GATA4: variants seen among roughly 807,000 people sequenced by gnomAD.
GATA4 encodes the protein GATA binding protein 4.
A neutral mutation model predicts 37.9 loss-of-function variants in GATA4; 7 were observed. That is an observed-to-expected ratio of 0.18 (90% CI 0.11 to 0.35). The LOEUF is 0.35. GATA4 is among the 10% of genes least tolerant of loss of function. GATA4 has a pLI of 1.00. For synonymous variants in GATA4, 372 were observed against 292.6 expected (o/e 1.27, Z -2.77); for missense variants, 647 against 653.0 (o/e 0.99, Z 0.10).
chr8:11,735,926 T>C (rs1009644952), intron 2 of GATA4, among the ~76,000 whole-genome samples: 11 of 152,140 alleles, frequency 7.2e-5, no homozygotes, highest in Non-Finnish European at 2.9e-5. Context: ...AAAATTTTTT[T>C]TTGAGATAGG....
In GATA4 at chr8:11,709,578, G is replaced by GGA. The variant is rs1554488901; in HGVS notation, c.616+651_616+652insAG. Among the ~76,000 whole-genome samples the GGA allele has an allele frequency of 2.6e-5, 3 of 115,392 alleles. No individual in the cohort carries two copies. The highest frequency in any genetic ancestry group is 3.1e-4 in the South Asian group (1 of 3,230). 75.7% of individuals were successfully genotyped at this position (115,392 alleles called of 152,430 possible). A position where few individuals can be genotyped will look rare whatever the true frequency, so the allele number is the denominator to read the frequency against. Reference sequence around the variant, plus strand: ...CGTGGGCGCATCATGCGGGCAGCGGGGGGGGGGGCGCACACGCCCGGTCAG... The same window carrying GGA: ...CGTGGGCGCATCATGCGGGCAGCGGGGAGGGGGGGGCGCACACGCCCGGTCAG... On this transcript the variant is annotated intron_variant, in intron 2 of 6. Transcript: ENST00000532059. The surrounding 1 kb of genome is among the most constrained non-coding windows in gnomAD (Gnocchi z 4.3).
At chr8:11,712,791 G>A (rs552413471) in intron 2 of GATA4, among the ~76,000 whole-genome samples, 2 of 152,174 alleles carry the variant, frequency 1.3e-5, no homozygotes, top group East Asian at 3.9e-4. Context: ...AGTCAGGGAG[G>A]TTGAGGCTGC....
intron 1 of GATA4, among the ~76,000 whole-genome samples, chr8:11,678,839 C>G (rs1798862277): frequency 6.6e-6 from 1 of 151,980 alleles, no homozygotes; most frequent in Non-Finnish European, 1.5e-5. Context: ...AAGAATTTGT[C>G]TCTGAAAGTG....
upstream of GATA4, among the ~76,000 whole-genome samples, chr8:11,703,471 G>A (rs774905222): frequency 2.0e-5 from 3 of 152,142 alleles, no homozygotes; most frequent in Non-Finnish European, 4.4e-5. Flanking sequence ...CCCAGCCCTT[G>A]CCACGTCCCT....
intron 2 of GATA4, among the ~76,000 whole-genome samples, chr8:11,728,939 G>A (rs2130190743): frequency 6.6e-6 from 1 of 152,294 alleles, no homozygotes; most frequent in South Asian, 2.1e-4. Context: ...ATAGTTTAAA[G>A]ACCTAGCTGA....
chr8:11,679,148 T>C (rs1798871682), intron 1 of GATA4, among the ~76,000 whole-genome samples: 1 of 133,728 alleles, frequency 7.5e-6, no homozygotes, highest in Non-Finnish European at 1.6e-5. Flanking sequence ...CTACACGAAG[T>C]GGAGATTCGA....
At chr8:11,747,671 G>A (rs922110818) in intron 2 of GATA4, among the ~76,000 whole-genome samples, 67 of 152,282 alleles carry the variant, frequency 4.4e-4, no homozygotes, top group African/African-American at 1.6e-3. Context: ...TTCTCAGAGA[G>A]TATCTTAAGG....
In GATA4 at chr8:11,749,569, G is replaced by A. The variant is rs902963432; in HGVS notation, c.786+484G>A. On this transcript the variant is annotated intron_variant, in intron 3 of 6. Coordinates refer to ENST00000532059, the MANE Select transcript of GATA4 (RefSeq NM_001308093.3). The surrounding 1 kb of genome is among the most constrained non-coding windows in gnomAD (Gnocchi z 4.6). ...CGTGGCTAGGGAAGAGTTTGGGCCT[G>A]GGGCTTGGCTCCTGGCTTCCTGCTC... is the stretch of plus-strand genomic sequence containing the variant. Among the ~76,000 whole-genome samples, 1 of 152,216 alleles carries A rather than the reference G, an allele frequency of 6.6e-6. No individual in the cohort carries two copies. The highest frequency in any genetic ancestry group is 2.4e-5 in the African/African-American group (1 of 41,454).
At chr8:11,744,508 T>C (rs894889503) in intron 2 of GATA4, among the ~76,000 whole-genome samples, 4 of 152,228 alleles carry the variant, frequency 2.6e-5, no homozygotes, top group African/African-American at 7.2e-5. Flanking sequence ...GGGAAGTTCC[T>C]CTCAGTGCCT....
intron 2 of GATA4, among the ~76,000 whole-genome samples, chr8:11,712,236 T>A (rs1393475861): frequency 6.6e-6 from 1 of 152,258 alleles, no homozygotes; most frequent in Non-Finnish European, 1.5e-5. Context: ...ACTGAGGGTT[T>A]TCCCAGAATG....
At chr8:11,706,129 G>A (rs561385155) in intron 1 of GATA4, 2 of 152,160 alleles carry the variant, frequency 1.3e-5, no homozygotes, top group Non-Finnish European at 2.9e-5. Context: ...AAACTTGCTG[G>A]AATGAACTAT....
chr8:11,680,263 G>C (rs1001194429), intron 1 of GATA4, among the ~76,000 whole-genome samples: 1 of 152,240 alleles, frequency 6.6e-6, no homozygotes, highest in Non-Finnish European at 1.5e-5. Context: ...CGGGAGACCA[G>C]GCGGTGCCGG....
At chr8:11,705,048 G>A (rs1483638471) in intron 1 of GATA4, among the ~76,000 whole-genome samples, 1 of 152,240 alleles carries the variant, frequency 6.6e-6, no homozygotes, top group Non-Finnish European at 1.5e-5. Flanking sequence ...TTTGGGCTCA[G>A]GGGTCACCGT....
chr8:11,677,923 A>T (rs1798834161), intron 1 of GATA4, among the ~76,000 whole-genome samples: 1 of 152,104 alleles, frequency 6.6e-6, no homozygotes, highest in Non-Finnish European at 1.5e-5. Context: ...TTTTGCATAC[A>T]AGTCGAAATT....
chr8:11,680,461 G>A (rs1415500319), intron 1 of GATA4: 2 of 984,980 alleles, frequency 2.0e-6, no homozygotes, highest in Non-Finnish European at 2.4e-6. Context: ...TGGCAAGGCC[G>A]AAGCCGGTTT....
At chr8:11,688,726 C>T (rs976376721), upstream of GATA4, among the ~76,000 whole-genome samples, 4 of 152,102 alleles carry the variant, frequency 2.6e-5, no homozygotes, top group African/African-American at 4.8e-5. Context: ...AACCTTCTCC[C>T]CAGTGACATA....
At chr8:11,695,402 A>G (rs1799475136) in intron 1 of GATA4, among the ~76,000 whole-genome samples, 1 of 151,934 alleles carries the variant, frequency 6.6e-6, no homozygotes, top group Non-Finnish European at 1.5e-5. Flanking sequence ...GTGAAACTCC[A>G]TCTCAAAAAA....
rs1245495937 is a variant in GATA4, at chr8:11,750,071, C to G, written c.787-40C>G. ...CGCGAGGTGGAAGGGCAGTGCACAC[C>G]TTTTACTTGGACATGAAGCATTTGT... On this transcript the variant is annotated intron_variant, in intron 3 of 6. Coordinates refer to ENST00000532059, the MANE Select transcript of GATA4 (RefSeq NM_001308093.3). 4 of 1,613,672 alleles carry G rather than the reference C, an allele frequency of 2.5e-6. No homozygotes were observed. The African/African-American group carries it at 4.0e-5, about 16-fold the overall frequency.
intron 1 of GATA4, chr8:11,681,565 A>T (rs903629967): frequency 4.6e-6 from 3 of 646,026 alleles, no homozygotes; most frequent in Non-Finnish European, 5.8e-6. Flanking sequence ...ACTGAATATA[A>T]TTTCTCCCTC....
Sources: allele counts gnomAD v4.1 joint callset (sites outside exome capture counted in the v4.1 genomes callset), GRCh38; gene constraint gnomAD v4.1.1; non-coding constraint Gnocchi (gnomAD v3.1); transcripts MANE v1.5; gene names NCBI Gene and HGNC (gene_info 2026-07-23, HGNC 2026-07-21).